Variants in TUT7 observed in about 807,000 individuals in gnomAD.
TUT7 encodes terminal uridylyltransferase 7.
TUT7 carries 33 observed loss-of-function variants against 165.9 expected under a neutral mutation model. The observed-to-expected ratio is 0.20, with a 90% CI of 0.15 to 0.27. TUT7 has a LOEUF of 0.27. TUT7 is among the 10% of genes least tolerant of loss of function. The probability of loss-of-function intolerance (pLI) is 1.00; values close to 1 mark genes in which losing one functional copy is unlikely to be tolerated. For synonymous variants in TUT7, 552 were observed against 608.1 expected (o/e 0.91, Z 1.36); for missense variants, 1,338 against 1,762.3 (o/e 0.76, Z 4.31).
intron 10 of TUT7, among the ~76,000 whole-genome samples, chr9:86,336,030 A>G (rs1255639136): frequency 6.6e-6 from 1 of 152,182 alleles, no homozygotes; most frequent in African/African-American, 2.4e-5. Flanking sequence ...TCACCAGAAG[A>G]GATTTTTCTT....
At chr9:86,342,757 C>T (rs700774) in intron 6 of TUT7, among the ~76,000 whole-genome samples, 37,502 of 152,022 alleles carry the variant, frequency 0.25, 6,226 homozygotes, top group Non-Finnish European at 0.35. Context: ...ACTTTAAAAT[C>T]TGAATTCCCT....
At chr9:86,353,841 A>G (rs1443723617) in intron 1 of TUT7, among the ~76,000 whole-genome samples, 1 of 152,184 alleles carries the variant, frequency 6.6e-6, no homozygotes, top group Non-Finnish European at 1.5e-5. Flanking sequence ...GGACAACTCC[A>G]TCTAACCTCC....
intron 17 of TUT7, 82 bp from the exon 18 acceptor site, chr9:86,310,891 A>C: frequency 1.2e-6 from 1 of 816,294 alleles, no homozygotes; most frequent in Non-Finnish European, 2.1e-6. Context: ...CCAATATAAA[A>C]TGGTGTAAAC....
At chr9:86,336,013 A>G (rs1000064801) in intron 10 of TUT7, among the ~76,000 whole-genome samples, 1 of 152,194 alleles carries the variant, frequency 6.6e-6, no homozygotes, top group African/African-American at 2.4e-5. Flanking sequence ...TCCTTAGGAG[A>G]ATCTCATCAC....
At chr9:86,294,586 T>TA (rs11436038) in intron 26 of TUT7, among the ~76,000 whole-genome samples, 113,791 of 150,418 alleles carry the variant, frequency 0.76, 44,524 homozygotes, top group East Asian at 0.99. Context: ...TTATCAACTA[T>TA]AAAAAAAAAT....
At chr9:86,294,274 CAAAA>C (rs11338696) in intron 26 of TUT7, among the ~76,000 whole-genome samples, 11 of 96,800 alleles carry the variant, frequency 1.1e-4, no homozygotes, top group Non-Finnish European at 1.4e-4. Flanking sequence ...TGCCATGAGG[CAAAA>C]AAAAAAAAAA....
chr9:86,289,104 T>C (rs189229429), intron 26 of TUT7, among the ~76,000 whole-genome samples: 1 of 152,324 alleles, frequency 6.6e-6, no homozygotes, highest in East Asian at 1.9e-4. Flanking sequence ...CAAAGAATTA[T>C]CTGGCCAGAA....
At position 86,328,427 on chromosome 9, in the gene TUT7, CACA is replaced by C; in HGVS notation, c.1518_1520del (p.Val507del). ...CAGCACTGTCAGTATGTTCCCAGAT[CACA>C]ACATCTTTTTCAATGTCTTGAAGGT... On this transcript the variant is annotated inframe_deletion, in exon 11 of 27. Transcript: ENST00000375963. 1 of 1,612,756 alleles carries C rather than the reference CACA, an allele frequency of 6.2e-7. No individual in the cohort carries two copies. The highest frequency in any genetic ancestry group is 1.1e-5 in the South Asian group (1 of 90,876).
chr9:86,325,617 T>A, intron 11 of TUT7, 103 bp from the exon 12 acceptor site: 1 of 1,040,678 alleles, frequency 9.6e-7, no homozygotes, highest in Non-Finnish European at 1.4e-6. Flanking sequence ...TGGAAAACCT[T>A]AACAAAGATA....
chr9:86,310,149 G>A, intron 18 of TUT7, 132 bp from the exon 19 acceptor site: 1 of 675,052 alleles, frequency 1.5e-6, no homozygotes, highest in South Asian at 2.1e-5. Flanking sequence ...GAACTCCTGG[G>A]CTCAAGTGAT....
At chr9:86,334,136 A>G (rs945889909) in intron 10 of TUT7, among the ~76,000 whole-genome samples, 10 of 152,038 alleles carry the variant, frequency 6.6e-5, no homozygotes, top group African/African-American at 2.2e-4. Context: ...AGGCTGGAGC[A>G]GTGGAGCTAG....
chr9:86,347,661 A>G (rs1831891768), intron 2 of TUT7, among the ~76,000 whole-genome samples: 1 of 152,210 alleles, frequency 6.6e-6, no homozygotes, highest in Non-Finnish European at 1.5e-5. Flanking sequence ...CTTCCACAAT[A>G]TAAGAAAATT....
At chr9:86,291,572 C>CAAAAAAA (rs969598470) in intron 26 of TUT7, among the ~76,000 whole-genome samples, 1 of 48,070 alleles carries the variant, frequency 2.1e-5, no homozygotes, top group African/African-American at 7.4e-5. Context: ...AACTCCATCT[C>CAAAAAAA]AAAAAAAAAA....
intron 26 of TUT7, among the ~76,000 whole-genome samples, chr9:86,292,199 A>T (rs905102362): frequency 6.6e-6 from 1 of 152,296 alleles, no homozygotes; most frequent in Middle Eastern, 3.4e-3. Context: ...CCGTGCCACC[A>T]TCCCTGGTTT....
Position 86,333,371 on chromosome 9 carries a change from A to G in TUT7, c.1455+4048T>C, listed in dbSNP as rs577099777. ...TCTCCTCTTGGTATTCCCATTATAC[A>G]TATGTTTCAACCTTGACTAACTGAC... On this transcript the variant is annotated intron_variant, in intron 10 of 26. Transcript: ENST00000375963. Among the ~76,000 whole-genome samples, 3 of 152,272 alleles carry G rather than the reference A, an allele frequency of 2.0e-5. No individual in the cohort carries two copies. In the East Asian group the frequency reaches 5.8e-4, roughly 29 times the overall value.
At chr9:86,302,760 G>A (rs1438737682) in intron 25 of TUT7, among the ~76,000 whole-genome samples, 2 of 151,572 alleles carry the variant, frequency 1.3e-5, no homozygotes, top group Admixed American at 6.6e-5. Context: ...GGGACTACAG[G>A]TGCCCGCCAC....
At position 86,325,303 on chromosome 9, in the gene TUT7, G is replaced by C. The variant is rs202088838; in HGVS notation, c.1789+31C>G. 11 of 1,592,624 alleles carry C rather than the reference G, an allele frequency of 6.9e-6. 1 individual carries two copies. The highest frequency in any genetic ancestry group is 4.5e-5 in the South Asian group (4 of 89,624). On this transcript the variant is annotated intron_variant, in intron 12 of 26. Coordinates refer to ENST00000375963, the MANE Select transcript of TUT7 (RefSeq NM_024617.4). ...GACTGGTACCTTTAAAAAAAAGAGT[G>C]GGGGGGAATAAGATAAACATTTTGA...
chr9:86,341,197 G>C, intron 6 of TUT7, 144 bp from the exon 7 acceptor site: 1 of 691,784 alleles, frequency 1.4e-6, no homozygotes, highest in Middle Eastern at 2.7e-4. Context: ...TCACTATGTT[G>C]TTTGCATATG....
At chr9:86,300,122 T>G (rs1027480653) in intron 26 of TUT7, among the ~76,000 whole-genome samples, 2 of 152,206 alleles carry the variant, frequency 1.3e-5, no homozygotes, top group Non-Finnish European at 2.9e-5. Flanking sequence ...CTGGTATATG[T>G]CCCATGTGAG....
Sources: gnomAD v4.1 joint callset for allele counts (sites outside exome capture counted in the v4.1 genomes callset) on GRCh38, gnomAD v4.1.1 for gene constraint, MANE v1.5 for transcripts, NCBI Gene and HGNC (gene_info 2026-07-23, HGNC 2026-07-21) for gene names.